Variants in USP17L1 observed in about 807,000 individuals in gnomAD.
The protein encoded by USP17L1 is ubiquitin specific peptidase 17 like family member 1, also known as ubiquitin carboxyl-terminal hydrolase 17-like protein 1.
A neutral mutation model predicts 31.4 loss-of-function variants in USP17L1; 42 were observed. The ratio of observed to expected loss-of-function variants is 1.34; its 90% confidence interval spans 1.05 to 1.73. The LOEUF (loss-of-function observed/expected upper bound fraction) is 1.73. Ranked by LOEUF, USP17L1 falls within the 40% of genes most tolerant of loss-of-function variation. USP17L1 has a pLI of 0.00. For missense variants in USP17L1, 576 were observed against 495.8 expected, an observed-to-expected ratio of 1.16 and a Z score of -1.54; for synonymous variants, 230 against 194.4, an observed-to-expected ratio of 1.18 and a Z score of -1.52.
Position 7,333,503 on chromosome 8 carries a change from A to G in USP17L1, c.1117A>G (p.Ile373Val), listed in dbSNP as rs775553582. 1.3e-6 allele frequency: 2 copies of G among 1,548,016 alleles called. No individual in the cohort carries two copies. The highest frequency in any genetic ancestry group is 1.7e-6 in the Non-Finnish European group (2 of 1,146,974). Residue 373 changes from isoleucine (I) to valine (V), a missense_variant, in exon 1 of 1, where the codon ATC (isoleucine) becomes GTC (valine). Ile to Val is a conservative substitution (Grantham distance 29). Transcript: ENST00000529559. Reference protein sequence around the residue: ...LSQQAYVLFYIQKSEWERHSE... With the variant: ...LSQQAYVLFYVQKSEWERHSE... ...TCAACAGGCCTATGTCCTCTTTTAC[A>G]TCCAGAAGAGTGAATGGGAAAGACA... is the stretch of plus-strand genomic sequence containing the variant.
In USP17L1 at chr8:7,332,910, C is replaced by T; in HGVS notation, c.524C>T (p.Ala175Val). 2.0e-6 allele frequency: 3 copies of T among 1,522,616 alleles called. No homozygotes were observed. Among genetic ancestry groups the T allele is most frequent in the Non-Finnish European group, 2.6e-6 (3 of 1,139,058 alleles). The allele number at this position is 1,522,616 out of a possible 1,614,324, so 94.3% of individuals were successfully genotyped here. A position where few individuals can be genotyped will look rare whatever the true frequency, so the allele number is the denominator to read the frequency against. The change falls in exon 1 of 1, where the codon GCA (alanine) becomes GTA (valine). Residue 175 changes from alanine to valine, a missense_variant. Ala to Val is a moderately conservative substitution (Grantham distance 64). Transcript: ENST00000529559. Reference sequence around the variant, plus strand: ...TTCACTGTGGATGCCATGAAAAAGGCATGCCTTCCCGGCCACAAGCAGGTA... The same window carrying T: ...TTCACTGTGGATGCCATGAAAAAGGTATGCCTTCCCGGCCACAAGCAGGTA... The part of the protein sequence containing the change: ...LMFTVDAMKK[A>V]CLPGHKQVDH...
chr8:7,333,878 G>A lies in USP17L1; in HGVS notation c.1492G>A (p.Glu498Lys), dbSNP rs749870138. 99 of 1,480,484 alleles carry A rather than the reference G, an allele frequency of 6.7e-5. 8 individuals carry two copies. The highest frequency in any genetic ancestry group is 6.1e-4 in the South Asian group (53 of 86,874). 91.7% of individuals were successfully genotyped at this position (1,480,484 alleles called of 1,614,324 possible). A position where few individuals can be genotyped will look rare whatever the true frequency, so the allele number is the denominator to read the frequency against. Reference protein sequence around the residue: ...NLSSTTRTDQESMNTGTLASL... With the variant: ...NLSSTTRTDQKSMNTGTLASL... ...CTCTTCGACGACCCGGACAGATCAG[G>A]AGTCCATGAACACTGGCACACTCGC... is the stretch of plus-strand genomic sequence containing the variant. The change falls in exon 1 of 1, where the codon GAG becomes AAG. Residue 498 changes from glutamate (E) to lysine (K), a missense_variant. By Grantham distance (56) the Glu-to-Lys change is moderately conservative (BLOSUM62 1). Coordinates refer to ENST00000529559, the MANE Select transcript of USP17L1 (RefSeq NM_001256873.1).
chr8:7,333,911 C>T, the USP17L1 span: 2 of 1,534,722 alleles, frequency 1.3e-6, no homozygotes, highest in South Asian at 1.1e-5. Context: ...CGCTTCTCTG[C>T]AAGGGAGGAC....
rs763276379 is a variant in USP17L1, at chr8:7,333,710, G to A, written c.1324G>A (p.Glu442Lys). 1.3e-6 allele frequency: 2 copies of A among 1,587,198 alleles called. No homozygotes were observed. The highest frequency in any genetic ancestry group is 1.7e-5 in the Admixed American group (1 of 59,300). Residue 442 changes from glutamate to lysine, a missense_variant, in exon 1 of 1, where the codon GAG (glutamate) becomes AAG (lysine). Physicochemically the swap from Glu to Lys is moderately conservative, Grantham distance 56. Transcript: ENST00000529559. ...CTTAGACCACTGGAAATTCCTGCAA[G>A]AGCAAAACAAAACGAAGCCTGAGTT... ...STLDHWKFLQ[E>K]QNKTKPEFNV...
In USP17L1 at chr8:7,332,700, C is replaced by A. The variant is rs1310122195; in HGVS notation, c.314C>A (p.Ala105Asp). 1 of 551,222 alleles carries A rather than the reference C, an allele frequency of 1.8e-6. No homozygotes were observed. The highest frequency in any genetic ancestry group is 3.1e-6 in the Non-Finnish European group (1 of 324,938). The allele number at this position is 551,222 out of a possible 1,614,324, so 34.1% of individuals were successfully genotyped here. A position where few individuals can be genotyped will look rare whatever the true frequency, so the allele number is the denominator to read the frequency against. The change falls in exon 1 of 1, where the codon GCC becomes GAC. Residue 105 changes from alanine (A) to aspartate (D), a missense_variant. Physicochemically the swap from Ala to Asp is moderately radical, Grantham distance 126. Coordinates refer to ENST00000529559, the MANE Select transcript of USP17L1 (RefSeq NM_001256873.1). The stretch of plus-strand genomic sequence containing the variant: ...TGCCTGACATACACACTGCCCCTTG[C>A]CAACTACATGCTGTCCCGGGAGCAC... Reference protein sequence around the residue: ...LQCLTYTLPLANYMLSREHSQ... With the variant: ...LQCLTYTLPLDNYMLSREHSQ...
chr8:7,332,686 C>A, the USP17L1 span: 2 of 543,014 alleles, frequency 3.7e-6, no homozygotes, highest in Non-Finnish European at 6.3e-6. Flanking sequence ...GCCTGACATA[C>A]ACACTGCCCC....
In USP17L1 at chr8:7,333,359, C is replaced by G. The variant is rs1222017207; in HGVS notation, c.973C>G (p.His325Asp). 2 of 1,564,296 alleles carry G rather than the reference C, an allele frequency of 1.3e-6. No individual in the cohort carries two copies. The highest frequency in any genetic ancestry group is 2.2e-5 in the South Asian group (2 of 89,600). ...LVYVLYAVLV[H>D]AGWSCHDGHY... is the part of the protein sequence containing the mutation. ...CTATGTCCTCTATGCTGTGCTGGTC[C>G]ACGCTGGGTGGAGTTGTCACGACGG... The change falls in exon 1 of 1, where the codon CAC becomes GAC. Residue 325 changes from histidine (H) to aspartate (D), a missense_variant. Transcript: ENST00000529559.
In USP17L1 at chr8:7,333,684, C is replaced by A; in HGVS notation, c.1298C>A (p.Thr433Asn). Reference protein sequence around the residue: ...HLVERATQESTLDHWKFLQEQ... With the variant: ...HLVERATQESNLDHWKFLQEQ... Reference sequence around the variant, plus strand: ...GTGGAAAGAGCCACTCAGGAAAGCACCTTAGACCACTGGAAATTCCTGCAA... The same window carrying A: ...GTGGAAAGAGCCACTCAGGAAAGCAACTTAGACCACTGGAAATTCCTGCAA... Residue 433 changes from threonine (T) to asparagine (N), a missense_variant, in exon 1 of 1, where the codon ACC becomes AAC. By Grantham distance (65) the Thr-to-Asn change is moderately conservative (BLOSUM62 0). Transcript: ENST00000529559. 2 of 1,585,362 alleles carry A rather than the reference C, an allele frequency of 1.3e-6. No homozygotes were observed. Among genetic ancestry groups the A allele is most frequent in the South Asian group, 1.1e-5 (1 of 89,952 alleles).
At position 7,332,936 on chromosome 8, in the gene USP17L1, G is replaced by A; in HGVS notation, c.550G>A (p.Asp184Asn). Residue 184 changes from aspartate (D) to asparagine (N), a missense_variant, in exon 1 of 1, where the codon GAT becomes AAT. Transcript: ENST00000529559. ...ATGCCTTCCCGGCCACAAGCAGGTA[G>A]ATCATCACTGCAAGGACACCACCCT... Reference protein sequence around the residue: ...KACLPGHKQVDHHCKDTTLIH... With the variant: ...KACLPGHKQVNHHCKDTTLIH... The A allele has an allele frequency of 1.9e-6, 3 of 1,561,388 alleles. No individual in the cohort carries two copies. The highest frequency in any genetic ancestry group is 2.6e-6 in the Non-Finnish European group (3 of 1,168,830).
At position 7,333,639 on chromosome 8, in the gene USP17L1, C is replaced by A. The variant is rs1235104399; in HGVS notation, c.1253C>A (p.Pro418His). Reference protein sequence around the residue: ...LKRDHPCLQAPELDEHLVERA... With the variant: ...LKRDHPCLQAHELDEHLVERA... ...AGAGACCACCCCTGCCTCCAGGCAC[C>A]CGAGTTGGACGAGCACTTGGTGGAA... The change falls in exon 1 of 1, where the codon CCC becomes CAC. Residue 418 changes from proline (P) to histidine (H), a missense_variant. Physicochemically the swap from Pro to His is moderately conservative, Grantham distance 77. Transcript: ENST00000529559. 2 of 1,493,418 alleles carry A rather than the reference C, an allele frequency of 1.3e-6. No individual in the cohort carries two copies. Among genetic ancestry groups the A allele is most frequent in the Non-Finnish European group, 1.8e-6 (2 of 1,098,788 alleles). The allele number at this position is 1,493,418 out of a possible 1,614,324, so 92.5% of individuals were successfully genotyped here.
rs1804134476 is a variant in USP17L1 at position 7,333,032 on chromosome 8, A to C, written c.646A>C (p.Thr216Pro). 3 of 1,144,552 alleles carry C rather than the reference A, an allele frequency of 2.6e-6. No homozygotes were observed. The South Asian group carries it at 3.9e-5, about 15-fold the overall frequency. The allele number at this position is 1,144,552 out of a possible 1,614,324, so 70.9% of individuals were successfully genotyped here. ...KCLHCHGISD[T>P]FDPYLDIALD... is the part of the protein sequence containing the mutation. ...TCTCCACTGCCACGGGATTTCAGAC[A>C]CTTTTGACCCTTACCTGGACATCGC... Residue 216 changes from threonine (T) to proline (P), a missense_variant, in exon 1 of 1, where the codon ACT becomes CCT. Transcript: ENST00000529559.
At position 7,332,468 on chromosome 8, in the gene USP17L1, G is replaced by C; in HGVS notation, c.82G>C (p.Ala28Pro). The C allele has an allele frequency of 1.8e-6, 1 of 545,622 alleles. No homozygotes were observed. The highest frequency in any genetic ancestry group is 1.9e-5 in the South Asian group (1 of 52,308). 33.8% of individuals were successfully genotyped at this position (545,622 alleles called of 1,614,324 possible). A position where few individuals can be genotyped will look rare whatever the true frequency, so the allele number is the denominator to read the frequency against. The change falls in exon 1 of 1, where the codon GCT (alanine) becomes CCT (proline). Residue 28 changes from alanine to proline, a missense_variant. Ala to Pro is a conservative substitution (Grantham distance 27). Coordinates refer to ENST00000529559, the MANE Select transcript of USP17L1 (RefSeq NM_001256873.1). ...SKLTSSRPDA[A>P]FAEIQRTSLP... The stretch of plus-strand genomic sequence containing the variant: ...ACTCACATCTTCTCGGCCAGATGCA[G>C]CTTTTGCTGAAATCCAGCGGACTTC...
chr8:7,333,672 C>T lies in USP17L1; in HGVS notation c.1286C>T (p.Thr429Ile). The change falls in exon 1 of 1, where the codon ACT becomes ATT. Residue 429 changes from threonine (T) to isoleucine (I), a missense_variant. Coordinates refer to ENST00000529559, the MANE Select transcript of USP17L1 (RefSeq NM_001256873.1). ...ELDEHLVERA[T>I]QESTLDHWKF... ...GACGAGCACTTGGTGGAAAGAGCCA[C>T]TCAGGAAAGCACCTTAGACCACTGG... 6.3e-7 allele frequency: 1 copy of T among 1,580,806 alleles called. No individual in the cohort carries two copies. The highest frequency in any genetic ancestry group is 8.5e-7 in the Non-Finnish European group (1 of 1,172,128).
chr8:7,332,595 T>G lies in USP17L1; in HGVS notation c.209T>G (p.Leu70Arg). 2.0e-6 allele frequency: 1 copy of G among 498,440 alleles called. No homozygotes were observed. Among genetic ancestry groups the G allele is most frequent in the Non-Finnish European group, 3.3e-6 (1 of 299,106 alleles). The allele number at this position is 498,440 out of a possible 1,614,324, so 30.9% of individuals were successfully genotyped here. ...CTCGCTCCCAGGGAGAAGCTTCCTC[T>G]GAGTAGCAGGAGACCTGCTGCGGTG... ...RQLAPREKLP[L>R]SSRRPAAVGA... The change falls in exon 1 of 1, where the codon CTG (leucine) becomes CGG (arginine). Residue 70 changes from leucine to arginine, a missense_variant. Coordinates refer to ENST00000529559, the MANE Select transcript of USP17L1 (RefSeq NM_001256873.1).
rs1463536576 is a variant in USP17L1, at chr8:7,332,572, C to T, written c.186C>T (p.Leu62=). 3.2e-5 allele frequency: 16 copies of T among 499,276 alleles called. No homozygotes were observed. The highest frequency in any genetic ancestry group is 2.3e-4 in the Admixed American group (6 of 26,272). The allele number at this position is 499,276 out of a possible 1,614,324, so 30.9% of individuals were successfully genotyped here. Residue 62 remains leucine (L), a synonymous_variant, in exon 1 of 1, where the codon CTC becomes CTT. Coordinates refer to ENST00000529559, the MANE Select transcript of USP17L1 (RefSeq NM_001256873.1). ...CDDLAPVARQ[L]APREKLPLSS... is the part of the protein sequence containing the mutation. ...ATTTGGCTCCTGTGGCAAGACAGCT[C>T]GCTCCCAGGGAGAAGCTTCCTCTGA...
In USP17L1 at chr8:7,333,610, C is replaced by T. The variant is rs768765561; in HGVS notation, c.1224C>T (p.Leu408=). ...DTDRRAKQGE[L]KRDHPCLQAP... ...ACAGGCGAGCAAAGCAAGGAGAGCTCAAGAGAGACCACCCCTGCCTCCAGG... is the reference window on the plus strand; with the variant it reads ...ACAGGCGAGCAAAGCAAGGAGAGCTTAAGAGAGACCACCCCTGCCTCCAGG... Residue 408 remains leucine (L), a synonymous_variant, in exon 1 of 1, where the codon CTC becomes CTT. Transcript: ENST00000529559. 6.8e-7 allele frequency: 1 copy of T among 1,466,092 alleles called. No homozygotes were observed. The highest frequency in any genetic ancestry group is 1.7e-5 in the Admixed American group (1 of 58,098). The allele number at this position is 1,466,092 out of a possible 1,614,324, so 90.8% of individuals were successfully genotyped here.
rs1563256144 is a variant in USP17L1, at chr8:7,332,796, A to G, written c.410A>G (p.His137Arg). 1 of 659,264 alleles carries G rather than the reference A, an allele frequency of 1.5e-6. No homozygotes were observed. The highest frequency in any genetic ancestry group is 2.5e-6 in the Non-Finnish European group (1 of 403,796). 40.8% of individuals were successfully genotyped at this position (659,264 alleles called of 1,614,324 possible). A position where few individuals can be genotyped will look rare whatever the true frequency, so the allele number is the denominator to read the frequency against. The part of the protein sequence containing the change: ...TMQAHITWAL[H>R]SPGHVIQPSQ... ...CAAGCTCACATCACATGGGCCCTCC[A>G]CAGTCCTGGCCATGTCATCCAGCCC... The change falls in exon 1 of 1, where the codon CAC becomes CGC. Residue 137 changes from histidine to arginine, a missense_variant. His to Arg is a conservative substitution (Grantham distance 29). Transcript: ENST00000529559.
In USP17L1 at chr8:7,333,744, G is replaced by T. The variant is rs1282433529; in HGVS notation, c.1358G>T (p.Gly453Val). 2 of 1,582,934 alleles carry T rather than the reference G, an allele frequency of 1.3e-6. No homozygotes were observed. The highest frequency in any genetic ancestry group is 2.2e-5 in the South Asian group (2 of 89,880). The change falls in exon 1 of 1, where the codon GGA becomes GTA. Residue 453 changes from glycine (G) to valine (V), a missense_variant. Physicochemically the swap from Gly to Val is moderately radical, Grantham distance 109 (BLOSUM62 -3). Transcript: ENST00000529559. ...AAAACGAAGCCTGAGTTCAACGTCG[G>T]AAAAGTCGAAGGTACCCTGCCTCCC... ...QNKTKPEFNVGKVEGTLPPNA... is the reference protein window; with the variant it reads ...QNKTKPEFNVVKVEGTLPPNA...
chr8:7,332,594 C>T lies in USP17L1; in HGVS notation c.208C>T (p.Leu70=). 8.0e-6 allele frequency: 4 copies of T among 498,766 alleles called. No homozygotes were observed. Among genetic ancestry groups the T allele is most frequent in the Non-Finnish European group, 1.0e-5 (3 of 299,228 alleles). 30.9% of individuals were successfully genotyped at this position (498,766 alleles called of 1,614,324 possible). The change falls in exon 1 of 1, where the codon CTG becomes TTG. Residue 70 remains leucine (L), a synonymous_variant. Transcript: ENST00000529559. ...RQLAPREKLP[L]SSRRPAAVGA... is the part of the protein sequence containing the mutation. ...GCTCGCTCCCAGGGAGAAGCTTCCT[C>T]TGAGTAGCAGGAGACCTGCTGCGGT... is the stretch of plus-strand genomic sequence containing the variant.
Sources: allele counts gnomAD v4.1 joint callset, GRCh38; gene constraint gnomAD v4.1.1; transcripts MANE v1.5; gene names NCBI Gene and HGNC (gene_info 2026-07-23, HGNC 2026-07-21).